ITGA9: variants seen among roughly 807,000 people sequenced by gnomAD.
ITGA9 encodes integrin subunit alpha 9, also known as integrin alpha-9.
In ITGA9, 56 loss-of-function variants were observed where a neutral mutation model predicts 127.8. That is an observed-to-expected ratio of 0.44 (90% confidence interval 0.35 to 0.55). The LOEUF is 0.55. ITGA9 is among the 20% of genes least tolerant of loss of function. The probability of loss-of-function intolerance (pLI) is 0.00; values close to 1 mark genes in which losing one functional copy is unlikely to be tolerated. For synonymous variants in ITGA9, 508 were observed against 514.5 expected (o/e 0.99, Z 0.17); for missense variants, 1,196 against 1,347.1 (o/e 0.89, Z 1.76).
Position 37,814,875 on chromosome 3 carries a change from T to G in ITGA9, c.3010-4016T>G. Among the ~76,000 whole-genome samples the G allele has an allele frequency of 6.6e-6, 1 of 152,202 alleles. No individual in the cohort carries two copies. The highest frequency in any genetic ancestry group is 1.9e-4 in the East Asian group (1 of 5,192). ...ACTCCCTAGCCATGAGAGTGCATTATGTTTTAAGAAATGGTCTTCAGACTC... is the reference window on the plus strand; with the variant it reads ...ACTCCCTAGCCATGAGAGTGCATTAGGTTTTAAGAAATGGTCTTCAGACTC... On this transcript the variant is annotated intron_variant, in intron 27 of 27. Coordinates refer to ENST00000264741, the MANE Select transcript of ITGA9 (RefSeq NM_002207.3). The surrounding 1 kb of genome is among the most constrained non-coding windows in gnomAD (Gnocchi z 4.3).
Position 37,757,295 on chromosome 3 carries a change from C to T in ITGA9, c.2541+6726C>T, listed in dbSNP as rs138451244. Among the ~76,000 whole-genome samples the T allele has an allele frequency of 7.4e-4, 113 of 151,754 alleles. 4 individuals are homozygous for T. Among genetic ancestry groups the T allele is most frequent in the African/African-American group, 2.2e-3 (89 of 41,144 alleles). ...AGCTTCAACAAGAAATAAAGAAGAG[C>T]GATGATGCCAAAAAACAACACTAGA... is the stretch of plus-strand genomic sequence containing the variant. On this transcript the variant is annotated intron_variant, in intron 23 of 27. Coordinates refer to ENST00000264741, the MANE Select transcript of ITGA9 (RefSeq NM_002207.3).
At chr3:37,788,194 C>T (rs1251215981) in intron 26 of ITGA9, among the ~76,000 whole-genome samples, 1 of 152,136 alleles carries the variant, frequency 6.6e-6, no homozygotes, top group Non-Finnish European at 1.5e-5. Flanking sequence ...ATTTCCAGGG[C>T]ATCTCTGGGA....
chr3:37,631,451 G>T (rs1700229446), intron 16 of ITGA9, among the ~76,000 whole-genome samples: 1 of 152,176 alleles, frequency 6.6e-6, no homozygotes, highest in Non-Finnish European at 1.5e-5. Context: ...GGTCACTTCT[G>T]GTTCCAGATG....
In ITGA9 at chr3:37,732,816, G is replaced by A. The variant is rs370985133; in HGVS notation, c.2154+18G>A. 3.8e-6 allele frequency: 6 copies of A among 1,582,526 alleles called. No homozygotes were observed. In the East Asian group the frequency reaches 6.8e-5, roughly 18 times the overall value. ...AGTCAAAGGTAAGGGACACAGACGG[G>A]ACCCTTCCTCAGCAGCAGGCCCCCA... On this transcript the variant is annotated intron_variant, in intron 19 of 27. Transcript: ENST00000264741.
At chr3:37,533,773 A>G (rs1408524741) in intron 14 of ITGA9, among the ~76,000 whole-genome samples, 1 of 152,206 alleles carries the variant, frequency 6.6e-6, no homozygotes, top group Non-Finnish European at 1.5e-5. Context: ...GTGGAGATAT[A>G]GTGCCCGGAG....
intron 3 of ITGA9, among the ~76,000 whole-genome samples, chr3:37,476,804 C>G (rs1698499741): frequency 6.6e-6 from 1 of 152,164 alleles, no homozygotes; most frequent in African/African-American, 2.4e-5. Context: ...CATATGTCCC[C>G]TTTTATGGAA....
intron 15 of ITGA9, among the ~76,000 whole-genome samples, chr3:37,589,491 A>T (rs1021265585): frequency 2.6e-5 from 4 of 152,240 alleles, no homozygotes; most frequent in Non-Finnish European, 5.9e-5. Flanking sequence ...GAGTATGGAA[A>T]CACGAAAGCT....
intron 24 of ITGA9, among the ~76,000 whole-genome samples, chr3:37,779,177 T>C (rs543658042): frequency 6.6e-6 from 1 of 152,222 alleles, no homozygotes; most frequent in East Asian, 1.9e-4. Context: ...TGATCTCGGC[T>C]CACTGCAGCT....
intron 9 of ITGA9, among the ~76,000 whole-genome samples, chr3:37,517,198 G>A (rs902365126): frequency 3.3e-5 from 5 of 152,220 alleles, no homozygotes; most frequent in African/African-American, 1.2e-4. Flanking sequence ...GGTGGGTAGG[G>A]AGGTTTGCTT....
intron 27 of ITGA9, among the ~76,000 whole-genome samples, chr3:37,805,365 A>G (rs1377515772): frequency 6.6e-6 from 1 of 152,066 alleles, no homozygotes; most frequent in Non-Finnish European, 1.5e-5. Flanking sequence ...TGATTTATTA[A>G]TCTGGGAAAA....
chr3:37,463,482 T>A (rs1271610313), intron 1 of ITGA9, among the ~76,000 whole-genome samples: 1 of 152,184 alleles, frequency 6.6e-6, no homozygotes, highest in Non-Finnish European at 1.5e-5. Context: ...ATGTATTTCA[T>A]CCTCTTGCAG....
chr3:37,790,990 T>C (rs2125556713), intron 26 of ITGA9: 1 of 152,310 alleles, frequency 6.6e-6, no homozygotes, highest in South Asian at 2.1e-4. Flanking sequence ...GGAATTTATC[T>C]CTGAGAAGGC....
At chr3:37,570,508 G>A (rs1402747947) in intron 15 of ITGA9, among the ~76,000 whole-genome samples, 1 of 152,146 alleles carries the variant, frequency 6.6e-6, no homozygotes, top group African/African-American at 2.4e-5. Flanking sequence ...TTGCCCACTG[G>A]TCTCATCTAT....
At chr3:37,533,041 G>A (rs2125586826) in intron 13 of ITGA9, among the ~76,000 whole-genome samples, 1 of 152,278 alleles carries the variant, frequency 6.6e-6, no homozygotes, top group Admixed American at 6.5e-5. Context: ...GCATCTGGTG[G>A]TTCATTTATG....
chr3:37,520,763 C>G (rs72867574), intron 11 of ITGA9, among the ~76,000 whole-genome samples: 6,909 of 152,256 alleles, frequency 0.045, 441 homozygotes, highest in African/African-American at 0.15. Context: ...CCCTAGGCTG[C>G]GGCAGGGATG....
chr3:37,618,945 G>A (rs750069262), intron 15 of ITGA9, among the ~76,000 whole-genome samples: 5 of 152,002 alleles, frequency 3.3e-5, no homozygotes, highest in Non-Finnish European at 7.4e-5. Flanking sequence ...TTCGGCTCAC[G>A]CTTGGTGTGC....
intron 16 of ITGA9, among the ~76,000 whole-genome samples, chr3:37,632,292 C>T (rs963526613): frequency 6.6e-6 from 1 of 151,942 alleles, no homozygotes; most frequent in Non-Finnish European, 1.5e-5. Flanking sequence ...GGATTCTGTT[C>T]CTTTTTAAAG....
At chr3:37,743,622 G>T (rs1306405656) in intron 21 of ITGA9, among the ~76,000 whole-genome samples, 1 of 152,164 alleles carries the variant, frequency 6.6e-6, no homozygotes, top group Non-Finnish European at 1.5e-5. Flanking sequence ...TGACAAAACA[G>T]AAAATGTATA....
chr3:37,781,302 G>A (rs1696973648), intron 25 of ITGA9, among the ~76,000 whole-genome samples: 1 of 152,180 alleles, frequency 6.6e-6, no homozygotes. Context: ...TTCAGGCTTT[G>A]CAGGCCCTAC....
Sources: allele counts gnomAD v4.1 joint callset (sites outside exome capture counted in the v4.1 genomes callset), GRCh38; gene constraint gnomAD v4.1.1; non-coding constraint Gnocchi (gnomAD v3.1); transcripts MANE v1.5; gene names NCBI Gene and HGNC (gene_info 2026-07-23, HGNC 2026-07-21).